Variants in RABGAP1L observed in about 807,000 individuals in gnomAD.
The protein encoded by RABGAP1L is RAB GTPase activating protein 1 like, also known as rab GTPase-activating protein 1-like.
In RABGAP1L, 63 loss-of-function variants were observed where a neutral mutation model predicts 137.7. The ratio of observed to expected loss-of-function variants is 0.46; its 90% confidence interval spans 0.37 to 0.56. The LOEUF is 0.56. RABGAP1L is among the 20% of genes least tolerant of loss of function. The pLI is 0.00. For synonymous variants in RABGAP1L, 431 were observed against 433.7 expected (o/e 0.99, Z 0.08); for missense variants, 1,095 against 1,244.0 (o/e 0.88, Z 1.80).
chr1:174,870,645 A>G (rs1209195382), intron 19 of RABGAP1L, among the ~76,000 whole-genome samples: 1 of 152,158 alleles, frequency 6.6e-6, no homozygotes, highest in African/African-American at 2.4e-5. Context: ...TAATTATGGT[A>G]TCTAGTTTAT....
intron 11 of RABGAP1L, among the ~76,000 whole-genome samples, chr1:174,350,210 C>T (rs1243795867): frequency 1.0e-4 from 14 of 138,954 alleles, no homozygotes; most frequent in Admixed American, 1.4e-4. Flanking sequence ...ACCTCCCTCC[C>T]GGACGGGGTG....
At chr1:174,520,971 A>C (rs1411871259) in intron 13 of RABGAP1L, among the ~76,000 whole-genome samples, 1 of 152,230 alleles carries the variant, frequency 6.6e-6, no homozygotes, top group Non-Finnish European at 1.5e-5. Flanking sequence ...ACTGCACTCC[A>C]GCGTGGCGAC....
intron 1 of RABGAP1L, among the ~76,000 whole-genome samples, chr1:174,179,347 T>C (rs1024320101): frequency 6.6e-6 from 1 of 152,234 alleles, no homozygotes; most frequent in African/African-American, 2.4e-5. Flanking sequence ...AATGGTACTC[T>C]GTGAAGAAAA....
chr1:174,316,370 A>G (rs1289919713), intron 11 of RABGAP1L, among the ~76,000 whole-genome samples: 1 of 151,980 alleles, frequency 6.6e-6, no homozygotes, highest in Non-Finnish European at 1.5e-5. Flanking sequence ...GCTTATTAGT[A>G]CCTGTCCTTT....
chr1:174,672,300 A>C (rs1357801362), intron 14 of RABGAP1L, among the ~76,000 whole-genome samples: 1 of 68,854 alleles, frequency 1.5e-5, no homozygotes, highest in South Asian at 4.6e-4. Flanking sequence ...TTTTTTTTTG[A>C]TATGGAGTCT....
At chr1:174,185,004 G>C (rs961507468) in intron 1 of RABGAP1L, among the ~76,000 whole-genome samples, 35 of 152,172 alleles carry the variant, frequency 2.3e-4, no homozygotes, top group African/African-American at 8.2e-4. Context: ...ACTCAAGGTT[G>C]GGGTACAGTT....
At position 174,392,807 on chromosome 1, in the gene RABGAP1L, C is replaced by T. The variant is rs550965889; in HGVS notation, c.1560-1188C>T. 2.6e-5 allele frequency among the ~76,000 whole-genome samples: 4 copies of T among 152,096 alleles called. No individual in the cohort carries two copies. In the South Asian group the frequency reaches 6.2e-4, roughly 24 times the overall value. On this transcript the variant is annotated intron_variant, in intron 12 of 25. Coordinates refer to ENST00000681986, the MANE Select transcript of RABGAP1L (RefSeq NM_001366446.1). The stretch of plus-strand genomic sequence containing the variant: ...ATAGACATGTGGATTCTATGACTTT[C>T]GAGGCTCAAAACTTGAAACCAGAGC...
At chr1:174,908,537 C>CTTT (rs774387616) in intron 19 of RABGAP1L, among the ~76,000 whole-genome samples, 71 of 94,348 alleles carry the variant, frequency 7.5e-4, no homozygotes, top group East Asian at 1.1e-3. Context: ...ACAACATATT[C>CTTT]TTTTTTTTTT....
At chr1:174,940,757 C>T (rs1311985299) in intron 19 of RABGAP1L, among the ~76,000 whole-genome samples, 1 of 152,162 alleles carries the variant, frequency 6.6e-6, no homozygotes, top group Non-Finnish European at 1.5e-5. Context: ...GCCTCATAAG[C>T]CTGGCTACCA....
intron 1 of RABGAP1L, among the ~76,000 whole-genome samples, chr1:174,178,669 C>A (rs1163162491): frequency 6.6e-6 from 1 of 152,182 alleles, no homozygotes; most frequent in African/African-American, 2.4e-5. Flanking sequence ...AGAATGAGTT[C>A]ATGCCCTTGG....
At chr1:174,645,894 G>C (rs962715980) in intron 14 of RABGAP1L, among the ~76,000 whole-genome samples, 1 of 151,968 alleles carries the variant, frequency 6.6e-6, no homozygotes, top group Non-Finnish European at 1.5e-5. Context: ...TTTAATGATC[G>C]CCATTCTAAC....
At chr1:174,519,219 TACAC>T (rs34114157) in intron 13 of RABGAP1L, among the ~76,000 whole-genome samples, 14 of 150,668 alleles carry the variant, frequency 9.3e-5, no homozygotes, top group South Asian at 6.3e-4. Context: ...CATATATATA[TACAC>T]ACACACACAC....
intron 23 of RABGAP1L, 92 bp downstream of exon 23, chr1:174,978,982 T>G: frequency 1.0e-5 from 14 of 1,353,452 alleles, no homozygotes; most frequent in Middle Eastern, 2.5e-4. Context: ...AGTTTGAGAC[T>G]AGCCTGAGCA....
At chr1:174,318,135 A>T (rs1255937504) in intron 11 of RABGAP1L, among the ~76,000 whole-genome samples, 1 of 151,486 alleles carries the variant, frequency 6.6e-6, no homozygotes, top group African/African-American at 2.4e-5. Flanking sequence ...TTTGGTTCTT[A>T]CAAAGGTTTT....
At chr1:174,513,733 G>T (rs1269616774) in intron 13 of RABGAP1L, among the ~76,000 whole-genome samples, 1 of 152,090 alleles carries the variant, frequency 6.6e-6, no homozygotes, top group African/African-American at 2.4e-5. Context: ...TGTAACAAAT[G>T]CTTTTCCAGC....
intron 12 of RABGAP1L, among the ~76,000 whole-genome samples, chr1:174,391,168 A>G (rs1687181560): frequency 6.6e-6 from 1 of 152,170 alleles, no homozygotes; most frequent in South Asian, 2.1e-4. Flanking sequence ...AAAACTTTTC[A>G]AGGAGAGATG....
chr1:174,982,747 C>T, intron 23 of RABGAP1L, 87 bp from the exon 24 acceptor site: 1 of 1,279,384 alleles, frequency 7.8e-7, no homozygotes, highest in South Asian at 1.3e-5. Context: ...GATGTGCTAG[C>T]ATAACACATG....
chr1:174,188,800 A>C (rs1435715394), intron 1 of RABGAP1L, among the ~76,000 whole-genome samples: 1 of 152,158 alleles, frequency 6.6e-6, no homozygotes, highest in Non-Finnish European at 1.5e-5. Context: ...GCTGTCATTT[A>C]GGCTTTGTTG....
intron 13 of RABGAP1L, among the ~76,000 whole-genome samples, chr1:174,556,140 G>T (rs1666869845): frequency 6.6e-6 from 1 of 151,684 alleles, no homozygotes; most frequent in East Asian, 1.9e-4. Flanking sequence ...TGGGATTAAA[G>T]GTGCCCGCCA....
Sources: allele counts gnomAD v4.1 joint callset (sites outside exome capture counted in the v4.1 genomes callset), GRCh38; gene constraint gnomAD v4.1.1; transcripts MANE v1.5; gene names NCBI Gene and HGNC (gene_info 2026-07-23, HGNC 2026-07-21).